Variants in XYLT1 observed in about 807,000 individuals in gnomAD.
The protein encoded by XYLT1 is xylosyltransferase 1.
XYLT1 carries 36 observed loss-of-function variants against 91.3 expected under a neutral mutation model. The ratio of observed to expected loss-of-function variants is 0.39; its 90% confidence interval spans 0.30 to 0.52. XYLT1 has a LOEUF of 0.52. Ranked by LOEUF, XYLT1 falls within the 20% of genes least tolerant of loss-of-function variation. The pLI is 0.68. For missense variants in XYLT1, 1,242 were observed against 1,284.5 expected (o/e 0.97, Z 0.51); for synonymous variants, 588 against 532.0 (o/e 1.11, Z -1.45).
At position 17,242,586 on chromosome 16, in the gene XYLT1, C is replaced by T. The variant is rs532363250; in HGVS notation, c.913+16402G>A. ...AATTTAGAGCAAGATTTAAATGAGG[C>T]AATGCATGTTTCAGAAGAGCTATTT... On this transcript the variant is annotated intron_variant, in intron 3 of 11. Transcript: ENST00000261381. Among the ~76,000 whole-genome samples the T allele has an allele frequency of 5.3e-5, 8 of 152,218 alleles. No homozygotes were observed. The East Asian group carries it at 1.4e-3, about 26-fold the overall frequency.
chr16:17,320,392 C>A (rs1244718535), intron 2 of XYLT1, among the ~76,000 whole-genome samples: 1 of 152,070 alleles, frequency 6.6e-6, no homozygotes, highest in Admixed American at 6.6e-5. Flanking sequence ...ATTCCCAATG[C>A]TTACATCCAA....
At chr16:17,351,740 C>CTT (rs201013023) in intron 2 of XYLT1, among the ~76,000 whole-genome samples, 2 of 113,638 alleles carry the variant, frequency 1.8e-5, no homozygotes, top group African/African-American at 1.1e-4. Flanking sequence ...ACATTTGAGG[C>CTT]TTTTTTTTTG....
At chr16:17,296,040 CT>C (rs5815941) in intron 2 of XYLT1, among the ~76,000 whole-genome samples, 58,175 of 145,792 alleles carry the variant, frequency 0.4, 11,961 homozygotes, top group African/African-American at 0.53. Flanking sequence ...GAAAAGACAC[CT>C]TTTTTTTTTT....
chr16:17,117,620 C>T, intron 11 of XYLT1, 26 bp downstream of exon 11: 2 of 1,592,950 alleles, frequency 1.3e-6, no homozygotes, highest in South Asian at 2.3e-5. Context: ...GAGTATTTCT[C>T]CCACATAGAC....
intron 1 of XYLT1, among the ~76,000 whole-genome samples, chr16:17,374,617 AC>A (rs2035573040): frequency 6.7e-6 from 1 of 148,244 alleles, no homozygotes; most frequent in African/African-American, 2.6e-5. Flanking sequence ...TAATTATTCA[AC>A]CCTCAGTATT....
At chr16:17,349,101 C>T (rs1347389041) in intron 2 of XYLT1, among the ~76,000 whole-genome samples, 1 of 152,200 alleles carries the variant, frequency 6.6e-6, no homozygotes, top group Non-Finnish European at 1.5e-5. Flanking sequence ...ATGGCCTCCT[C>T]AAGGTGCCAC....
At chr16:17,409,250 T>A (rs2036074841) in intron 1 of XYLT1, among the ~76,000 whole-genome samples, 1 of 152,102 alleles carries the variant, frequency 6.6e-6, no homozygotes, top group Non-Finnish European at 1.5e-5. Flanking sequence ...TAAGAAGGGA[T>A]TTGAGAGAGG....
chr16:17,340,479 G>A (rs2035050713), intron 2 of XYLT1, among the ~76,000 whole-genome samples: 1 of 152,200 alleles, frequency 6.6e-6, no homozygotes, highest in Non-Finnish European at 1.5e-5. Context: ...TTGGTTTTCT[G>A]CTTTCGAGGT....
chr16:17,445,328 C>T (rs2036578533), intron 1 of XYLT1, among the ~76,000 whole-genome samples: 2 of 152,242 alleles, frequency 1.3e-5, no homozygotes, highest in South Asian at 4.1e-4. Flanking sequence ...CAGTGCCTGG[C>T]ACGTAGAGGC....
chr16:17,294,541 G>A (rs2034282895), intron 2 of XYLT1, among the ~76,000 whole-genome samples: 1 of 152,128 alleles, frequency 6.6e-6, no homozygotes, highest in African/African-American at 2.4e-5. Flanking sequence ...ATACCAATGG[G>A]GCCAGTTGAG....
chr16:17,300,455 T>TTTTTTTC (rs2034378009), intron 2 of XYLT1, among the ~76,000 whole-genome samples: 1 of 62,044 alleles, frequency 1.6e-5, no homozygotes, highest in Non-Finnish European at 3.7e-5. Flanking sequence ...ATTCTTTCTT[T>TTTTTTTC]TTTTTTTTTT....
intron 2 of XYLT1, among the ~76,000 whole-genome samples, chr16:17,351,224 T>C (rs1176538484): frequency 6.6e-6 from 1 of 152,114 alleles, no homozygotes; most frequent in Non-Finnish European, 1.5e-5. Flanking sequence ...CATTAGAAGA[T>C]AAATGTGTCG....
chr16:17,296,805 G>A (rs138257583), intron 2 of XYLT1, among the ~76,000 whole-genome samples: 53 of 152,296 alleles, frequency 3.5e-4, no homozygotes, highest in African/African-American at 1.1e-3. Context: ...TGATATTAGC[G>A]AGGGCAAAGG....
chr16:17,459,243 G>T (rs1209930718), intron 1 of XYLT1, among the ~76,000 whole-genome samples: 1 of 151,952 alleles, frequency 6.6e-6, no homozygotes, highest in East Asian at 1.9e-4. Context: ...ATGGTGGCAC[G>T]CACCTGTAGT....
At chr16:17,153,115 C>A (rs2031321177) in intron 6 of XYLT1, among the ~76,000 whole-genome samples, 1 of 152,180 alleles carries the variant, frequency 6.6e-6, no homozygotes, top group African/African-American at 2.4e-5. Flanking sequence ...ATCATTATCA[C>A]CACTACTACC....
At chr16:17,366,055 G>A (rs1041532734) in intron 1 of XYLT1, among the ~76,000 whole-genome samples, 1 of 140,408 alleles carries the variant, frequency 7.1e-6, no homozygotes, top group African/African-American at 2.8e-5. Context: ...GCTTCAAGCT[G>A]GTTTGCTTTT....
chr16:17,381,459 C>G (rs1317290134), intron 1 of XYLT1, among the ~76,000 whole-genome samples: 1 of 113,766 alleles, frequency 8.8e-6, no homozygotes, highest in African/African-American at 3.9e-5. Context: ...GAGTCTCACT[C>G]TGTCACCCAA....
intron 1 of XYLT1, among the ~76,000 whole-genome samples, chr16:17,437,340 CT>C (rs1285137932): frequency 4.6e-5 from 7 of 152,302 alleles, no homozygotes; most frequent in Middle Eastern, 3.4e-3. Context: ...TTGGGCTAAA[CT>C]CCCACATGTG....
chr16:17,426,041 T>C (rs1038013266), intron 1 of XYLT1, among the ~76,000 whole-genome samples: 1 of 152,220 alleles, frequency 6.6e-6, no homozygotes, highest in Non-Finnish European at 1.5e-5. Flanking sequence ...GTCTGGAGAA[T>C]GAATAAATTC....
Sources: gnomAD v4.1 joint callset for allele counts (sites outside exome capture counted in the v4.1 genomes callset) on GRCh38, gnomAD v4.1.1 for gene constraint, MANE v1.5 for transcripts, NCBI Gene and HGNC (gene_info 2026-07-23, HGNC 2026-07-21) for gene names.